SCUBE2: variants seen among roughly 807,000 people sequenced by gnomAD.
SCUBE2 encodes the protein signal peptide, CUB and EGF-like domain-containing protein 2.
SCUBE2 carries 114 observed loss-of-function variants against 125.9 expected under a neutral mutation model. That is an observed-to-expected ratio of 0.91 (90% confidence interval 0.78 to 1.06). SCUBE2 has a LOEUF of 1.06. Among genes scored for constraint, SCUBE2 ranks in the 50% least tolerant of loss-of-function variants. SCUBE2 has a pLI of 0.00. For missense variants in SCUBE2, 1,255 were observed against 1,301.8 expected (o/e 0.96, Z 0.55); for synonymous variants, 459 against 492.9 (o/e 0.93, Z 0.91).
chr11:9,054,699 G>GTATATATATATATATATATATATA (rs1491160291), intron 10 of SCUBE2, among the ~76,000 whole-genome samples: 8 of 44,708 alleles, frequency 1.8e-4, no homozygotes, highest in African/African-American at 5.9e-4. Context: ...CAAAGCACTA[G>GTATATATATATATATATATATATA]TGTATATATA....
intron 21 of SCUBE2, chr11:9,024,343 G>C: frequency 1.6e-6 from 2 of 1,274,228 alleles, no homozygotes; most frequent in Non-Finnish European, 2.0e-6. Flanking sequence ...CATGTGGGAG[G>C]CATTTGGGTC....
chr11:9,065,874 G>C lies in SCUBE2; in HGVS notation c.850+17C>G. The C allele has an allele frequency of 3.1e-6, 5 of 1,608,318 alleles. No individual in the cohort carries two copies. The highest frequency in any genetic ancestry group is 4.3e-6 in the Non-Finnish European group (5 of 1,174,718). ...GGACAATTGCAGTGGCCAAGGAAAG[G>C]GAGTGAAGGTGCCTACCCATGAGCA... On this transcript the variant is annotated intron_variant, in intron 7 of 22. Coordinates refer to ENST00000649792, the MANE Select transcript of SCUBE2 (RefSeq NM_001367977.2).
rs1855867140 is a variant in SCUBE2, at chr11:9,027,366, GTT to G, written c.2697_2698del (p.Lys899AsnfsTer11). 2 of 1,613,814 alleles carry G rather than the reference GTT, an allele frequency of 1.2e-6. No individual in the cohort carries two copies. Among genetic ancestry groups the G allele is most frequent in the Admixed American group, 3.3e-5 (2 of 59,980 alleles). On this transcript the variant is annotated frameshift_variant, in exon 20 of 23. Coordinates refer to ENST00000649792, the MANE Select transcript of SCUBE2 (RefSeq NM_001367977.2). LOFTEE classifies it high-confidence loss of function. ...GGGAGGGAGGGAGTGAGACGCACAG[GTT>G]TTCCGCATCACCAGATAGTCCCCAC...
intron 16 of SCUBE2, among the ~76,000 whole-genome samples, chr11:9,044,630 A>G (rs1857525405): frequency 6.6e-6 from 1 of 152,144 alleles, no homozygotes. Flanking sequence ...AGTTACTCCT[A>G]TGCTCAAAGC....
At chr11:9,044,792 T>C (rs1317220152) in intron 16 of SCUBE2, among the ~76,000 whole-genome samples, 1 of 152,154 alleles carries the variant, frequency 6.6e-6, no homozygotes, top group Non-Finnish European at 1.5e-5. Context: ...GGTTTTCCTA[T>C]TTGTTGTTCT....
At chr11:9,030,947 C>T (rs752362284) in intron 17 of SCUBE2, 22 bp from the exon 18 acceptor site, 58 of 1,604,302 alleles carry the variant, frequency 3.6e-5, no homozygotes, top group East Asian at 3.4e-4. Context: ...AATAGCCTTA[C>T]GTGAGCAAGG....
At chr11:9,065,560 G>A (rs1860135767) in intron 7 of SCUBE2, among the ~76,000 whole-genome samples, 1 of 152,136 alleles carries the variant, frequency 6.6e-6, no homozygotes, top group Admixed American at 6.5e-5. Context: ...GAATACCCTG[G>A]CCCTAAGAGG....
intron 8 of SCUBE2, among the ~76,000 whole-genome samples, chr11:9,060,093 T>C (rs1859511119): frequency 6.6e-6 from 1 of 152,246 alleles, no homozygotes. Context: ...GATATGTTGA[T>C]ATTATCTCCT....
At chr11:9,056,147 C>T (rs1043615975) in intron 9 of SCUBE2, among the ~76,000 whole-genome samples, 3 of 152,230 alleles carry the variant, frequency 2.0e-5, no homozygotes, top group Admixed American at 6.5e-5. Context: ...GCACTTCCCT[C>T]AAAACTCAGT....
intron 21 of SCUBE2, among the ~76,000 whole-genome samples, chr11:9,024,940 C>T (rs904080266): frequency 6.6e-6 from 1 of 152,170 alleles, no homozygotes; most frequent in Non-Finnish European, 1.5e-5. Context: ...CAATGCCTGA[C>T]ATAGTAGATG....
In SCUBE2 at chr11:9,067,454, C is replaced by T. The variant is rs372901761; in HGVS notation, c.644-641G>A. Among the ~76,000 whole-genome samples, 20 of 152,276 alleles carry T rather than the reference C, an allele frequency of 1.3e-4. 1 individual carries two copies. Among genetic ancestry groups the T allele is most frequent in the Admixed American group, 7.8e-4 (12 of 15,298 alleles). On this transcript the variant is annotated intron_variant, in intron 5 of 22. Transcript: ENST00000649792. ...TACCTCTGGCAAGGGAAACGGGAGG[C>T]GGGAAACTGCATGTTTTCTTTATAT... is the stretch of plus-strand genomic sequence containing the variant.
At chr11:9,024,726 TC>T (rs1855578402) in intron 21 of SCUBE2, among the ~76,000 whole-genome samples, 1 of 152,134 alleles carries the variant, frequency 6.6e-6, no homozygotes, top group Admixed American at 6.6e-5. Flanking sequence ...AATGTCCTTC[TC>T]CCCCATTTAT....
chr11:9,052,750 A>C lies in SCUBE2; in HGVS notation c.1530T>G (p.Phe510Leu). The change falls in exon 13 of 23, where the codon TTT becomes TTG. Residue 510 changes from phenylalanine (F) to leucine (L), a missense_variant. Transcript: ENST00000649792. Reference protein sequence around the residue: ...NKQQKSNDSAFGDVTTIRTSV... With the variant: ...NKQQKSNDSALGDVTTIRTSV... Reference sequence around the variant, plus strand: ...ACACGCAGATTTGGTAATTACCCCCAAAAGCAGAGTCATTTGATTTTTGTT... The same window carrying C: ...ACACGCAGATTTGGTAATTACCCCCCAAAGCAGAGTCATTTGATTTTTGTT... 6.5e-7 allele frequency: 1 copy of C among 1,536,348 alleles called. No individual in the cohort carries two copies. Among genetic ancestry groups the C allele is most frequent in the South Asian group, 1.2e-5 (1 of 84,020 alleles).
intron 2 of SCUBE2, among the ~76,000 whole-genome samples, chr11:9,080,871 G>C (rs1861581996): frequency 6.6e-6 from 1 of 151,136 alleles, no homozygotes; most frequent in South Asian, 2.1e-4. Context: ...ATAAAGAACT[G>C]AAAAAAAACT....
At chr11:9,062,718 GA>G (rs1184610979) in intron 7 of SCUBE2, among the ~76,000 whole-genome samples, 1 of 151,456 alleles carries the variant, frequency 6.6e-6, no homozygotes, top group Non-Finnish European at 1.5e-5. Context: ...TAAAATGCCT[GA>G]AAAATTAAAA....
intron 13 of SCUBE2, among the ~76,000 whole-genome samples, chr11:9,051,406 G>T (rs1384932421): frequency 6.6e-6 from 1 of 152,178 alleles, no homozygotes; most frequent in Non-Finnish European, 1.5e-5. Context: ...ACGGTGAAGG[G>T]CAGATTCTCC....
In SCUBE2 at chr11:9,074,486, G is replaced by A. The variant is rs72549241; in HGVS notation, c.512C>T (p.Ser171Leu). ...CCACAGCTGGGCAGAGGTACCTTCC[G>A]AGCGGTGAATGCAGGTGTGCTGATT... Reference protein sequence around the residue: ...SDNQHTCIHRSEEGLSCMNKD... With the variant: ...SDNQHTCIHRLEEGLSCMNKD... The change falls in exon 4 of 23, where the codon TCG (serine) becomes TTG (leucine). Residue 171 changes from serine (S) to leucine (L), a missense_variant. By Grantham distance (145) the Ser-to-Leu change is moderately radical. Coordinates refer to ENST00000649792, the MANE Select transcript of SCUBE2 (RefSeq NM_001367977.2). The A allele has an allele frequency of 2.3e-5, 37 of 1,614,112 alleles. No homozygotes were observed. The highest frequency in any genetic ancestry group is 4.5e-5 in the East Asian group (2 of 44,876).
chr11:9,038,408 G>A (rs114059404), intron 16 of SCUBE2, among the ~76,000 whole-genome samples: 1 of 152,186 alleles, frequency 6.6e-6, no homozygotes. Flanking sequence ...GGGAGGCTGA[G>A]GCAGGAGGAC....
At chr11:9,087,128 T>C (rs1275289411) in intron 2 of SCUBE2, among the ~76,000 whole-genome samples, 1 of 152,182 alleles carries the variant, frequency 6.6e-6, no homozygotes, top group Non-Finnish European at 1.5e-5. Flanking sequence ...AGTCAATCAT[T>C]AGTTATTTTA....
Sources: allele counts gnomAD v4.1 joint callset (sites outside exome capture counted in the v4.1 genomes callset), GRCh38; gene constraint gnomAD v4.1.1; transcripts MANE v1.5; gene names NCBI Gene and HGNC (gene_info 2026-07-23, HGNC 2026-07-21).